Variants in BCAT1 observed in about 807,000 individuals in gnomAD.
BCAT1 encodes the protein branched-chain-amino-acid aminotransferase, cytosolic.
A neutral mutation model predicts 52.4 loss-of-function variants in BCAT1; 48 were observed. The ratio of observed to expected loss-of-function variants is 0.92; its 90% CI spans 0.73 to 1.16. BCAT1 has a LOEUF of 1.16. Among genes scored for constraint, BCAT1 ranks in the 50% most tolerant of loss-of-function variants. BCAT1 has a pLI of 0.00. For missense variants in BCAT1, 451 were observed against 457.1 expected (o/e 0.99, Z 0.12); for synonymous variants, 167 against 161.3 (o/e 1.04, Z -0.27).
intron 1 of BCAT1, among the ~76,000 whole-genome samples, chr12:24,931,764 T>A (rs1433383246): frequency 6.6e-6 from 1 of 152,194 alleles, no homozygotes; most frequent in East Asian, 1.9e-4. Flanking sequence ...ATGCACTCTT[T>A]ATCTAAAAAC....
intron 3 of BCAT1, among the ~76,000 whole-genome samples, chr12:24,891,050 T>C (rs1942823180): frequency 6.6e-6 from 1 of 152,002 alleles, no homozygotes; most frequent in Non-Finnish European, 1.5e-5. Flanking sequence ...GGTGTGAGAG[T>C]AGAGGAAAAA....
intron 10 of BCAT1, among the ~76,000 whole-genome samples, chr12:24,827,282 C>T (rs1403316155): frequency 6.6e-6 from 1 of 150,776 alleles, no homozygotes; most frequent in Non-Finnish European, 1.5e-5. Context: ...CTCAGGCAAC[C>T]TTAAAAAAAT....
At chr12:24,836,908 GAGAAAGAAAGAAAGAAAGAA>G (rs201215375) in intron 7 of BCAT1, among the ~76,000 whole-genome samples, 2,808 of 40,832 alleles carry the variant, frequency 0.069, 192 homozygotes, top group Non-Finnish European at 0.12. Flanking sequence ...AAAAGAAAGA[GAGAAAGAAAGAAAGAAAGAA>G]AGAAAGAAAG....
chr12:24,871,848 T>C (rs1022263425), intron 5 of BCAT1, among the ~76,000 whole-genome samples: 8 of 152,144 alleles, frequency 5.3e-5, no homozygotes, highest in Non-Finnish European at 1.5e-5. Flanking sequence ...ATAGACTGTA[T>C]CTCTAAAAAC....
intron 5 of BCAT1, among the ~76,000 whole-genome samples, chr12:24,862,820 G>GT (rs1158100805): frequency 6.9e-6 from 1 of 144,274 alleles, no homozygotes; most frequent in Non-Finnish European, 1.5e-5. Flanking sequence ...ATTTTCATTT[G>GT]TAAAAAAAAA....
intron 10 of BCAT1, among the ~76,000 whole-genome samples, chr12:24,827,282 C>CT (rs1282898826): frequency 1.3e-5 from 2 of 150,776 alleles, no homozygotes; most frequent in African/African-American, 4.9e-5. Context: ...CTCAGGCAAC[C>CT]TTAAAAAAAT....
intron 5 of BCAT1, among the ~76,000 whole-genome samples, chr12:24,867,183 A>G (rs1228563567): frequency 2.0e-5 from 3 of 152,100 alleles, no homozygotes; most frequent in African/African-American, 7.2e-5. Context: ...AACTCCGAAC[A>G]CATCTGAACA....
intron 7 of BCAT1, among the ~76,000 whole-genome samples, chr12:24,839,988 A>G (rs1376575410): frequency 6.6e-6 from 1 of 152,110 alleles, no homozygotes; most frequent in African/African-American, 2.4e-5. Context: ...TTAGATGAAC[A>G]TCCCCAAAGT....
At chr12:24,878,811 A>C (rs150836703) in intron 4 of BCAT1, among the ~76,000 whole-genome samples, 162 bp from the exon 5 acceptor site, 18 of 152,338 alleles carry the variant, frequency 1.2e-4, no homozygotes, top group African/African-American at 4.1e-4. Context: ...CCTAATTTTT[A>C]TTTATTTCTT....
chr12:24,920,160 G>A (rs1467006895), intron 1 of BCAT1, among the ~76,000 whole-genome samples: 2 of 152,180 alleles, frequency 1.3e-5, no homozygotes. Flanking sequence ...ATCATGTAAA[G>A]CCTATTTCAG....
rs189263557 is a variant in BCAT1 at position 24,852,849 on chromosome 12, T to A, written c.511-2900A>T. On this transcript the variant is annotated intron_variant, in intron 5 of 10. Coordinates refer to ENST00000261192, the MANE Select transcript of BCAT1 (RefSeq NM_005504.7). ...CAAGTACTTCAAGTACTGGTGTTGA[T>A]CACAGACTAGTCACCTTCATCCTCA... Among the ~76,000 whole-genome samples, 147 of 152,336 alleles carry A rather than the reference T, an allele frequency of 9.6e-4. 2 individuals carry two copies. The highest frequency in any genetic ancestry group is 8.8e-3 in the Admixed American group (134 of 15,310).
intron 7 of BCAT1, among the ~76,000 whole-genome samples, chr12:24,836,999 A>G: frequency 6.8e-6 from 1 of 147,650 alleles, no homozygotes; most frequent in Non-Finnish European, 1.5e-5. Context: ...GGGAGGAAGG[A>G]ACGAAGGAAG....
intron 5 of BCAT1, among the ~76,000 whole-genome samples, chr12:24,858,824 T>C (rs148893710): frequency 3.3e-5 from 5 of 152,370 alleles, no homozygotes; most frequent in Admixed American, 3.3e-4. Flanking sequence ...TGTGGTCTTA[T>C]TGCCTAGTTT....
Position 24,846,711 on chromosome 12 carries a change from G to C in BCAT1, c.674+3075C>G, listed in dbSNP as rs557870437. 5.9e-5 allele frequency among the ~76,000 whole-genome samples: 9 copies of C among 152,200 alleles called. No individual in the cohort carries two copies. The South Asian group carries it at 1.9e-3, about 32-fold the overall frequency. On this transcript the variant is annotated intron_variant, in intron 6 of 10. Coordinates refer to ENST00000261192, the MANE Select transcript of BCAT1 (RefSeq NM_005504.7). The stretch of plus-strand genomic sequence containing the variant: ...TGCTCTAAAATCTAAAACTTTTTCG[G>C]TGCCAACATGATGCTCAATTTGGAT...
At chr12:24,906,440 G>A (rs1273998940) in intron 1 of BCAT1, among the ~76,000 whole-genome samples, 1 of 152,064 alleles carries the variant, frequency 6.6e-6, no homozygotes, top group Non-Finnish European at 1.5e-5. Flanking sequence ...TGGATTAGAG[G>A]TATTATTGAA....
chr12:24,836,441 C>T (rs536483388), intron 8 of BCAT1, 70 bp downstream of exon 8: 5 of 1,321,602 alleles, frequency 3.8e-6, no homozygotes, highest in Non-Finnish European at 5.3e-6. Flanking sequence ...TATTTCAACA[C>T]TAGGCTGGGC....
In BCAT1 at chr12:24,813,439, C is replaced by T. The variant is rs1379282155; in HGVS notation, c.*4569G>A. 1 of 151,996 alleles carries T rather than the reference C, an allele frequency of 6.6e-6. No individual in the cohort carries two copies. Among genetic ancestry groups the T allele is most frequent in the African/African-American group, 2.4e-5 (1 of 41,430 alleles). The allele number at this position is 151,996 out of a possible 1,614,324, so 9.4% of individuals were successfully genotyped here. On this transcript the variant is annotated 3_prime_UTR_variant, in exon 11 of 11. Coordinates refer to ENST00000261192, the MANE Select transcript of BCAT1 (RefSeq NM_005504.7). ...AGCTAATACTTTAAACAGCATGGTT[C>T]ATAATAGATATTTTCTAGAAAAATT...
At chr12:24,834,592 C>A in intron 8 of BCAT1, 1 of 978,066 alleles carries the variant, frequency 1.0e-6, no homozygotes, top group Non-Finnish European at 1.2e-6. Flanking sequence ...AAATGGAAAT[C>A]AAAGCTCTTG....
chr12:24,912,874 C>T (rs1022285167), intron 1 of BCAT1, among the ~76,000 whole-genome samples: 4 of 152,108 alleles, frequency 2.6e-5, no homozygotes, highest in Non-Finnish European at 5.9e-5. Flanking sequence ...GAAGGTTGCT[C>T]AAAATCATTG....
Sources: gnomAD v4.1 joint callset for allele counts (sites outside exome capture counted in the v4.1 genomes callset) on GRCh38, gnomAD v4.1.1 for gene constraint, MANE v1.5 for transcripts, NCBI Gene and HGNC (gene_info 2026-07-23, HGNC 2026-07-21) for gene names.